Variants in DGKI observed in about 807,000 individuals in gnomAD.
The protein encoded by DGKI is diacylglycerol kinase iota, also known as DAG kinase iota.
A neutral mutation model predicts 147.5 loss-of-function variants in DGKI; 55 were observed. The observed-to-expected ratio is 0.37, with a 90% CI of 0.30 to 0.47. DGKI has a LOEUF of 0.47. Ranked by LOEUF, DGKI falls within the 20% of genes least tolerant of loss-of-function variation. DGKI has a pLI of 1.00. For synonymous variants in DGKI, 469 were observed against 477.1 expected (o/e 0.98, Z 0.22); for missense variants, 1,007 against 1,323.8 (o/e 0.76, Z 3.71).
intron 12 of DGKI, among the ~76,000 whole-genome samples, chr7:137,590,877 G>C (rs1268165536): frequency 1.3e-5 from 2 of 152,186 alleles, no homozygotes; most frequent in East Asian, 3.9e-4. Flanking sequence ...ATTTTTTGTA[G>C]AGATGGGGGC....
intron 3 of DGKI, among the ~76,000 whole-genome samples, chr7:137,664,905 G>A (rs1405443884): frequency 1.3e-5 from 2 of 152,190 alleles, no homozygotes; most frequent in Non-Finnish European, 2.9e-5. Context: ...AATTGAAGTT[G>A]TAGACAGGTG....
intron 3 of DGKI, among the ~76,000 whole-genome samples, chr7:137,669,665 A>T (rs1822771341): frequency 6.6e-6 from 1 of 152,238 alleles, no homozygotes; most frequent in Non-Finnish European, 1.5e-5. Flanking sequence ...AGAGGTTCAA[A>T]CTCTAAGAAT....
intron 1 of DGKI, among the ~76,000 whole-genome samples, chr7:137,738,650 G>A (rs1311736514): frequency 2.0e-5 from 3 of 151,812 alleles, no homozygotes; most frequent in Admixed American, 2.0e-4. Flanking sequence ...TTTTGGGCTT[G>A]GAAAATATCC....
At chr7:137,634,616 AC>A (rs1303061770) in intron 6 of DGKI, among the ~76,000 whole-genome samples, 1 of 152,182 alleles carries the variant, frequency 6.6e-6, no homozygotes, top group Non-Finnish European at 1.5e-5. Flanking sequence ...AACAAGCAGT[AC>A]CAGGGATGCA....
intron 31 of DGKI, among the ~76,000 whole-genome samples, chr7:137,396,221 C>A (rs1227934475): frequency 2.6e-5 from 4 of 152,204 alleles, no homozygotes; most frequent in Non-Finnish European, 4.4e-5. Context: ...TCTGCTCTAT[C>A]CACTTTAGAT....
chr7:137,757,500 T>C (rs556983839), intron 1 of DGKI, among the ~76,000 whole-genome samples: 1 of 152,292 alleles, frequency 6.6e-6, no homozygotes, highest in African/African-American at 2.4e-5. Flanking sequence ...TCCACTTTCA[T>C]GCCCCAGCTA....
chr7:137,818,487 C>A (rs973094932), intron 1 of DGKI, among the ~76,000 whole-genome samples: 1 of 152,100 alleles, frequency 6.6e-6, no homozygotes, highest in Non-Finnish European at 1.5e-5. Flanking sequence ...GAGTGCATGG[C>A]GCAATCTCAG....
chr7:137,469,302 T>G (rs552664549), intron 24 of DGKI, among the ~76,000 whole-genome samples: 1 of 152,254 alleles, frequency 6.6e-6, no homozygotes, highest in East Asian at 1.9e-4. Context: ...AAGAAAAACA[T>G]CGGCCTGAGC....
intron 2 of DGKI, among the ~76,000 whole-genome samples, chr7:137,684,453 T>C (rs553528745): frequency 6.6e-6 from 1 of 152,256 alleles, no homozygotes; most frequent in African/African-American, 2.4e-5. Flanking sequence ...AATGTATCAT[T>C]ACAGCTCATA....
At chr7:137,582,430 CTCTCTA>C (rs1465147519) in intron 14 of DGKI, among the ~76,000 whole-genome samples, 5 of 150,326 alleles carry the variant, frequency 3.3e-5, no homozygotes, top group African/African-American at 7.4e-5. Flanking sequence ...CTCTCTCTCT[CTCTCTA>C]TATATATATA....
At chr7:137,767,528 A>AAGAGAAGAGT (rs1563188462) in intron 1 of DGKI, among the ~76,000 whole-genome samples, 3 of 139,270 alleles carry the variant, frequency 2.2e-5, no homozygotes, top group Non-Finnish European at 4.7e-5. Flanking sequence ...AAGAGAAGAG[A>AAGAGAAGAGT]AGAGTAGAGT....
rs146533348 is a variant in DGKI at position 137,401,422 on chromosome 7, T to C, written c.2921-4009A>G. On this transcript the variant is annotated intron_variant, in intron 30 of 32. Transcript: ENST00000614521. ...GGTACATGCCTGTAGTCCCAGCTAC[T>C]AGGGAGGCTAAGGAGGGAAGATTGC... Among the ~76,000 whole-genome samples, 1,015 of 151,688 alleles carry C rather than the reference T, an allele frequency of 6.7e-3. 11 individuals carry two copies. Among genetic ancestry groups the C allele is most frequent in the African/African-American group, 0.023 (963 of 41,340 alleles).
At chr7:137,659,728 C>G (rs888703040) in intron 3 of DGKI, among the ~76,000 whole-genome samples, 13 of 152,224 alleles carry the variant, frequency 8.5e-5, no homozygotes, top group Admixed American at 1.3e-4. Context: ...GTCAGGAGAT[C>G]GAGACCATCC....
chr7:137,563,065 G>C (rs1217488789), intron 19 of DGKI, among the ~76,000 whole-genome samples: 1 of 151,938 alleles, frequency 6.6e-6, no homozygotes, highest in Non-Finnish European at 1.5e-5. Context: ...AATAAATCAA[G>C]CCTAAGAGGG....
At chr7:137,407,145 C>T (rs1811984176) in intron 30 of DGKI, among the ~76,000 whole-genome samples, 3 of 152,098 alleles carry the variant, frequency 2.0e-5, no homozygotes, top group African/African-American at 7.2e-5. Context: ...GTATTTTTCC[C>T]CTTTATTCCT....
At chr7:137,432,457 C>G (rs1051127583) in intron 28 of DGKI, among the ~76,000 whole-genome samples, 19 of 152,312 alleles carry the variant, frequency 1.2e-4, no homozygotes, top group African/African-American at 4.1e-4. Flanking sequence ...CTCTCACTCT[C>G]TCTTGCACAC....
intron 23 of DGKI, among the ~76,000 whole-genome samples, chr7:137,483,458 A>T (rs1268660254): frequency 6.6e-6 from 1 of 152,054 alleles, no homozygotes; most frequent in African/African-American, 2.4e-5. Context: ...TTTTTATTTT[A>T]AGTTCTTGGG....
rs1811089823 is a variant in DGKI at position 137,382,783 on chromosome 7, T to C, written c.*8437A>G. 6.6e-6 allele frequency: 1 copy of C among 151,704 alleles called. No homozygotes were observed. 9.4% of individuals were successfully genotyped at this position (151,704 alleles called of 1,614,324 possible). On this transcript the variant is annotated 3_prime_UTR_variant, in exon 33 of 33. Coordinates refer to ENST00000614521, the MANE Select transcript of DGKI (RefSeq NM_001321708.2). ...AAGTAGAACAAGAAAGAAGGTGGAG[T>C]AGAAGCAGGTCTTTTCTGCAAGACT...
Position 137,469,617 on chromosome 7 carries a change from G to T in DGKI, c.2376C>A (p.Asp792Glu), listed in dbSNP as rs768453176. The stretch of plus-strand genomic sequence containing the variant: ...GAGCCCTGGGGAAGGAGGTTTCATG[G>T]TCCTGGAAAGAGACACACACACTCT... ...SSGSQRVHYQ[D>E]HETSFPRALS... Residue 792 changes from aspartate (D) to glutamate (E), a missense_variant and splice_region_variant, in exon 24 of 33, where the codon GAC (aspartate) becomes GAA (glutamate). Coordinates refer to ENST00000614521, the MANE Select transcript of DGKI (RefSeq NM_001321708.2). 7 of 1,613,812 alleles carry T rather than the reference G, an allele frequency of 4.3e-6. No homozygotes were observed. The highest frequency in any genetic ancestry group is 5.9e-6 in the Non-Finnish European group (7 of 1,179,862).
Sources: gnomAD v4.1 joint callset for allele counts (sites outside exome capture counted in the v4.1 genomes callset) on GRCh38, gnomAD v4.1.1 for gene constraint, MANE v1.5 for transcripts, NCBI Gene and HGNC (gene_info 2026-07-23, HGNC 2026-07-21) for gene names.